Variants in PAK3 observed in about 807,000 individuals in gnomAD.
PAK3 encodes the protein p21 (RAC1) activated kinase 3.
PAK3 carries 4 observed loss-of-function variants against 41.0 expected under a neutral mutation model. The ratio of observed to expected loss-of-function variants is 0.10; its 90% CI spans 0.05 to 0.22. The LOEUF (loss-of-function observed/expected upper bound fraction) is 0.22. Among genes scored for constraint, PAK3 ranks in the 10% least tolerant of loss-of-function variants. PAK3 has a pLI of 1.00. For synonymous variants in PAK3, 146 were observed against 139.6 expected (o/e 1.05, Z -0.32); for missense variants, 205 against 409.9 (o/e 0.50, Z 4.32).
chrX:111,024,423 T>G (rs1026748096), intron 1 of PAK3, among the ~76,000 whole-genome samples: 1 of 111,897 alleles, frequency 8.9e-6, no homozygotes, highest in African/African-American at 3.2e-5. Context: ...TTTCCAATTC[T>G]GTGAAGAAAG....
intron 1 of PAK3, among the ~76,000 whole-genome samples, chrX:111,077,582 G>A (rs923862312): frequency 8.9e-6 from 1 of 111,783 alleles, no homozygotes; most frequent in Non-Finnish European, 1.9e-5. Flanking sequence ...TTAATAAATG[G>A]TGCGGGCATA....
At chrX:111,050,507 T>C (rs1022968166) in intron 1 of PAK3, among the ~76,000 whole-genome samples, 1 of 112,294 alleles carries the variant, frequency 8.9e-6, no homozygotes, top group African/African-American at 3.2e-5. Context: ...TTTTTGTAAA[T>C]CAGACTTGCT....
chrX:110,972,199 T>A (rs953640228), intron 1 of PAK3, among the ~76,000 whole-genome samples: 1 of 111,416 alleles, frequency 9.0e-6, no homozygotes, highest in Admixed American at 9.5e-5. Context: ...TAGTACTACC[T>A]CGAATAGCAG....
intron 8 of PAK3, among the ~76,000 whole-genome samples, chrX:111,157,565 C>T (rs1226235696): frequency 5.4e-5 from 6 of 110,643 alleles, no homozygotes; most frequent in South Asian, 3.8e-4. Context: ...CTGAGGCGGG[C>T]GGATCACCTG....
chrX:111,180,510 A>G (rs185622932), intron 11 of PAK3, among the ~76,000 whole-genome samples: 2 of 112,321 alleles, frequency 1.8e-5, no homozygotes, highest in Admixed American at 1.9e-4. Context: ...ATGGATAAGT[A>G]CCAATCACAT....
At chrX:111,004,964 T>A (rs2091900290) in intron 1 of PAK3, among the ~76,000 whole-genome samples, 1 of 112,454 alleles carries the variant, frequency 8.9e-6, no homozygotes, top group Non-Finnish European at 1.9e-5. Flanking sequence ...ATTTTGTTAT[T>A]GACTAACTGC....
At chrX:110,980,200 A>G (rs1212753838) in intron 1 of PAK3, among the ~76,000 whole-genome samples, 1 of 112,055 alleles carries the variant, frequency 8.9e-6, no homozygotes, top group Non-Finnish European at 1.9e-5. Context: ...ATGAGATTAC[A>G]CACACTCAGA....
chrX:111,046,948 C>T lies in PAK3; in HGVS notation c.-27-76129C>T, dbSNP rs751338433. ...TGCATGCCAGGGCACATAACCCTGCCGTAGAACACACATAGGCCATAGCAC... is the reference window on the plus strand; with the variant it reads ...TGCATGCCAGGGCACATAACCCTGCTGTAGAACACACATAGGCCATAGCAC... On this transcript the variant is annotated intron_variant, in intron 1 of 14. Coordinates refer to the PAK3 transcript ENST00000425146. 1.3e-3 allele frequency among the ~76,000 whole-genome samples: 141 copies of T among 111,487 alleles called. 1 individual carries two copies. The highest frequency in any genetic ancestry group is 4.4e-3 in the African/African-American group (135 of 30,696).
At chrX:111,022,411 T>C (rs765106180) in intron 1 of PAK3, among the ~76,000 whole-genome samples, 2 of 111,903 alleles carry the variant, frequency 1.8e-5, no homozygotes, top group South Asian at 7.5e-4. Context: ...GCCAAGAATT[T>C]TGTATCCAGA....
At chrX:111,200,023 A>T (rs2094662777) in intron 16 of PAK3, among the ~76,000 whole-genome samples, 4 of 111,258 alleles carry the variant, frequency 3.6e-5, no homozygotes, top group Admixed American at 9.6e-5. Flanking sequence ...ATATGCACAG[A>T]TTCAAATTCT....
At chrX:110,979,020 A>G (rs2091395459) in intron 1 of PAK3, among the ~76,000 whole-genome samples, 1 of 111,417 alleles carries the variant, frequency 9.0e-6, no homozygotes. Flanking sequence ...GTCTATTCAA[A>G]TTATCTATTT....
chrX:111,040,785 C>A (rs1399601806), intron 1 of PAK3, among the ~76,000 whole-genome samples: 4 of 112,367 alleles, frequency 3.6e-5, no homozygotes, highest in African/African-American at 1.3e-4. Context: ...TTCTACCAGT[C>A]TTTAGCCCAT....
intron 7 of PAK3, 117 bp downstream of exon 7, chrX:111,148,007 A>C: frequency 6.4e-6 from 4 of 620,454 alleles, no homozygotes; most frequent in Non-Finnish European, 1.0e-5. Context: ...TCTTCAAATG[A>C]CATCAACATA....
chrX:111,070,346 G>A (rs1221846104), intron 1 of PAK3, among the ~76,000 whole-genome samples: 1 of 111,218 alleles, frequency 9.0e-6, no homozygotes, highest in Non-Finnish European at 1.9e-5. Flanking sequence ...TATGCTTCCA[G>A]TGAGGTTACT....
intron 1 of PAK3, among the ~76,000 whole-genome samples, chrX:111,023,138 G>A (rs2092214512): frequency 9.0e-6 from 1 of 111,218 alleles, no homozygotes; most frequent in African/African-American, 3.3e-5. Flanking sequence ...GAGAACACAC[G>A]GTGTTTGGTT....
intron 1 of PAK3, among the ~76,000 whole-genome samples, chrX:111,060,854 G>A (rs902881912): frequency 9.0e-6 from 1 of 111,468 alleles, no homozygotes; most frequent in Admixed American, 9.6e-5. Context: ...AATGTCTTGA[G>A]CAGAGTCAAA....
intron 1 of PAK3, among the ~76,000 whole-genome samples, chrX:110,992,068 A>T (rs2091659127): frequency 9.0e-6 from 1 of 111,272 alleles, no homozygotes; most frequent in South Asian, 3.8e-4. Context: ...GGAGGGTTGG[A>T]GAGTGAACCC....
At chrX:110,980,817 G>T (rs2091435340) in intron 1 of PAK3, among the ~76,000 whole-genome samples, 1 of 112,334 alleles carries the variant, frequency 8.9e-6, no homozygotes, top group African/African-American at 3.2e-5. Context: ...AGGCCTCTCT[G>T]AACATGAATT....
At chrX:111,039,718 T>C (rs2092434505) in intron 1 of PAK3, among the ~76,000 whole-genome samples, 1 of 111,328 alleles carries the variant, frequency 9.0e-6, no homozygotes, top group South Asian at 3.8e-4. Context: ...CCCACACAGA[T>C]GCAGCCTCCT....
Sources: gnomAD v4.1 joint callset for allele counts (sites outside exome capture counted in the v4.1 genomes callset) on GRCh38, gnomAD v4.1.1 for gene constraint, MANE v1.5 for transcripts, NCBI Gene and HGNC (gene_info 2026-07-23, HGNC 2026-07-21) for gene names.